The following EPHA6 variants were observed in gnomAD, a reference collection of about 807,000 sequenced individuals.
EPHA6 encodes ephrin type-A receptor 6.
EPHA6 carries 50 observed loss-of-function variants against 112.0 expected under a neutral mutation model. The ratio of observed to expected loss-of-function variants is 0.45; its 90% confidence interval spans 0.36 to 0.56. The LOEUF is 0.56. Ranked by LOEUF, EPHA6 falls within the 20% of genes least tolerant of loss-of-function variation. The pLI, the probability that EPHA6 is intolerant of heterozygous loss-of-function variation, is 0.00. For synonymous variants in EPHA6, 529 were observed against 490.7 expected, an observed-to-expected ratio of 1.08 and a Z score of -1.03; for missense variants, 1,280 against 1,417.4, an observed-to-expected ratio of 0.90 and a Z score of 1.56.
chr3:96,994,393 T>C (rs1320036549), intron 3 of EPHA6, among the ~76,000 whole-genome samples: 2 of 152,082 alleles, frequency 1.3e-5, no homozygotes, highest in Non-Finnish European at 2.9e-5. Context: ...GTCAGACTTT[T>C]CTAAGGTTTT....
intron 3 of EPHA6, among the ~76,000 whole-genome samples, chr3:97,097,414 TAAACA>T (rs1021436338): frequency 6.6e-6 from 1 of 151,810 alleles, no homozygotes; most frequent in Non-Finnish European, 1.5e-5. Flanking sequence ...TACTACCTTG[TAAACA>T]AAACAAAACA....
At chr3:97,717,004 A>G (rs1253330345) in intron 14 of EPHA6, among the ~76,000 whole-genome samples, 1 of 152,090 alleles carries the variant, frequency 6.6e-6, no homozygotes, top group Non-Finnish European at 1.5e-5. Flanking sequence ...TGAGGTCAGG[A>G]GTTCAATATG....
At chr3:97,039,480 T>C (rs566096112) in intron 3 of EPHA6, among the ~76,000 whole-genome samples, 1 of 152,068 alleles carries the variant, frequency 6.6e-6, no homozygotes, top group Non-Finnish European at 1.5e-5. Flanking sequence ...AGAAGTAAAT[T>C]AGCATCCATA....
At chr3:97,049,412 A>G (rs1284663176) in intron 3 of EPHA6, among the ~76,000 whole-genome samples, 6 of 152,220 alleles carry the variant, frequency 3.9e-5, no homozygotes, top group Non-Finnish European at 8.8e-5. Context: ...GGTGAATCCC[A>G]TAGAAATATT....
intron 14 of EPHA6, among the ~76,000 whole-genome samples, chr3:97,668,343 C>T (rs990765752): frequency 6.6e-6 from 1 of 152,078 alleles, no homozygotes; most frequent in Non-Finnish European, 1.5e-5. Context: ...CCTGAAAAAG[C>T]GTCAAAGAAG....
intron 11 of EPHA6, among the ~76,000 whole-genome samples, chr3:97,576,424 A>G (rs1430666944): frequency 2.0e-5 from 3 of 152,158 alleles, no homozygotes; most frequent in East Asian, 3.9e-4. Flanking sequence ...CCACTCATCA[A>G]CTGCGCTGGC....
intron 5 of EPHA6, among the ~76,000 whole-genome samples, chr3:97,273,526 T>A (rs1342008962): frequency 6.6e-6 from 1 of 152,324 alleles, no homozygotes; most frequent in African/African-American, 2.4e-5. Context: ...GGCTGTACCC[T>A]GTAGCATTCC....
intron 2 of EPHA6, among the ~76,000 whole-genome samples, chr3:96,873,425 T>A (rs2036756967): frequency 6.6e-6 from 1 of 152,156 alleles, no homozygotes; most frequent in Admixed American, 6.5e-5. Context: ...ACTTATTTGC[T>A]GGACCAGGCA....
intron 6 of EPHA6, among the ~76,000 whole-genome samples, chr3:97,433,743 A>G (rs931073139): frequency 2.6e-5 from 4 of 151,830 alleles, no homozygotes; most frequent in Non-Finnish European, 4.4e-5. Flanking sequence ...CAGAACACTT[A>G]GTAAAAGTGG....
intron 3 of EPHA6, among the ~76,000 whole-genome samples, chr3:97,179,005 G>T (rs886856197): frequency 2.0e-5 from 3 of 151,816 alleles, no homozygotes; most frequent in Non-Finnish European, 4.4e-5. Flanking sequence ...AGATACTGTA[G>T]AATCTAGAGG....
At chr3:97,415,063 C>T (rs932658038) in intron 6 of EPHA6, among the ~76,000 whole-genome samples, 1 of 151,972 alleles carries the variant, frequency 6.6e-6, no homozygotes, top group Admixed American at 6.6e-5. Context: ...AAAGGTAACT[C>T]AGAGTCCTCT....
intron 14 of EPHA6, among the ~76,000 whole-genome samples, chr3:97,666,185 G>A (rs1380296510): frequency 6.6e-6 from 1 of 152,046 alleles, no homozygotes; most frequent in Non-Finnish European, 1.5e-5. Context: ...CCAGCCTCCT[G>A]AATGTTGCTG....
At chr3:97,478,529 A>T (rs1173456614) in intron 8 of EPHA6, among the ~76,000 whole-genome samples, 1 of 152,132 alleles carries the variant, frequency 6.6e-6, no homozygotes, top group Non-Finnish European at 1.5e-5. Context: ...TTTATATTTC[A>T]TTAGAAATTG....
At chr3:97,649,759 A>G (rs1009783375) in intron 14 of EPHA6, among the ~76,000 whole-genome samples, 42 of 130,752 alleles carry the variant, frequency 3.2e-4, no homozygotes, top group Middle Eastern at 3.8e-3. Context: ...CAACAAAATC[A>G]CTATTCACAC....
intron 5 of EPHA6, among the ~76,000 whole-genome samples, chr3:97,387,005 G>T (rs1191269877): frequency 6.6e-6 from 1 of 152,200 alleles, no homozygotes; most frequent in Non-Finnish European, 1.5e-5. Flanking sequence ...GGCTGGAGCA[G>T]TCATGATGAA....
At chr3:97,449,918 A>G (rs2090468166) in intron 7 of EPHA6, among the ~76,000 whole-genome samples, 1 of 152,126 alleles carries the variant, frequency 6.6e-6, no homozygotes, top group Admixed American at 6.6e-5. Context: ...TTGTTTTTAC[A>G]TTGATGAACA....
chr3:96,955,218 A>T (rs987922586), intron 2 of EPHA6, among the ~76,000 whole-genome samples: 1 of 152,170 alleles, frequency 6.6e-6, no homozygotes, highest in Non-Finnish European at 1.5e-5. Flanking sequence ...TGAAAATTTT[A>T]AATTTGATAT....
chr3:97,659,476 C>A (rs1441528226), intron 14 of EPHA6, among the ~76,000 whole-genome samples: 1 of 151,876 alleles, frequency 6.6e-6, no homozygotes, highest in Non-Finnish European at 1.5e-5. Context: ...GATTTCAGAG[C>A]AAGGTGTGAG....
intron 3 of EPHA6, among the ~76,000 whole-genome samples, chr3:97,067,626 G>T (rs2046219393): frequency 6.6e-6 from 1 of 151,926 alleles, no homozygotes; most frequent in Admixed American, 6.6e-5. Flanking sequence ...AAGCCAAGTG[G>T]CATAAGCAAA....
Sources: allele counts gnomAD v4.1 joint callset (sites outside exome capture counted in the v4.1 genomes callset), GRCh38; gene constraint gnomAD v4.1.1; transcripts MANE v1.5; gene names NCBI Gene and HGNC (gene_info 2026-07-23, HGNC 2026-07-21).